DGKZ: variants seen among roughly 807,000 people sequenced by gnomAD.
The protein encoded by DGKZ is diacylglycerol kinase zeta, also known as DAG kinase zeta.
A neutral mutation model predicts 142.5 loss-of-function variants in DGKZ; 45 were observed. The ratio of observed to expected loss-of-function variants is 0.32; its 90% CI spans 0.25 to 0.40. The LOEUF (loss-of-function observed/expected upper bound fraction) is 0.40. Ranked by LOEUF, DGKZ falls within the 10% of genes least tolerant of loss-of-function variation. DGKZ has a pLI of 1.00. For missense variants in DGKZ, 755 were observed against 1,306.5 expected, an observed-to-expected ratio of 0.58 and a Z score of 6.51; for synonymous variants, 442 against 527.0, an observed-to-expected ratio of 0.84 and a Z score of 2.21.
chr11:46,365,986 T>TG, intron 1 of DGKZ: 1 of 985,162 alleles, frequency 1.0e-6, no homozygotes, highest in African/African-American at 1.7e-5. Context: ...TAGGGTGCAA[T>TG]GGGGGAGAGC....
chr11:46,373,213 C>A, intron 14 of DGKZ, 112 bp downstream of exon 14: 2 of 1,235,072 alleles, frequency 1.6e-6, no homozygotes, highest in Non-Finnish European at 2.2e-6. Context: ...CTCCAACTTC[C>A]ACTTCTTCCT....
upstream of DGKZ, among the ~76,000 whole-genome samples, chr11:46,342,594 A>G (rs562005625): frequency 1.9e-4 from 29 of 152,210 alleles, 1 homozygote; most frequent in South Asian, 6.0e-3. Flanking sequence ...GCCACAGCAT[A>G]TAGAACCCAT....
Position 46,375,651 on chromosome 11 carries a change from G to T in DGKZ, c.1910+20G>T, listed in dbSNP as rs373692332. The T allele has an allele frequency of 2.9e-5, 45 of 1,537,304 alleles. No homozygotes were observed. The highest frequency in any genetic ancestry group is 3.7e-5 in the Non-Finnish European group (42 of 1,145,524). On this transcript the variant is annotated intron_variant, in intron 20 of 30. Coordinates refer to ENST00000527911, the Ensembl canonical transcript of DGKZ. Reference sequence around the variant, plus strand: ...CAGCGAGTACGTCCCACCCTGCCACGTGCCCTGGGTGCCAAGGCCAGACCC... The same window carrying T: ...CAGCGAGTACGTCCCACCCTGCCACTTGCCCTGGGTGCCAAGGCCAGACCC...
At chr11:46,348,836 C>T (rs1941005643) in intron 1 of DGKZ, among the ~76,000 whole-genome samples, 1 of 152,140 alleles carries the variant, frequency 6.6e-6, no homozygotes, top group Non-Finnish European at 1.5e-5. Flanking sequence ...CCCTGGTGGC[C>T]AAGGAGCTTG....
rs1944991633 is a variant in DGKZ at position 46,379,628 on chromosome 11, T to G, written c.2688+60T>G. The G allele has an allele frequency of 2.1e-6, 3 of 1,461,280 alleles. No homozygotes were observed. In the Admixed American group the frequency reaches 6.3e-5, roughly 31 times the overall value. 90.5% of individuals were successfully genotyped at this position (1,461,280 alleles called of 1,614,324 possible). ...ACCAACCAAACCTTTCCCAAGGTCC[T>G]AGGCGGGAGCTGGGGCTGGGGGCTG... On this transcript the variant is annotated intron_variant, in intron 30 of 30. Transcript: ENST00000527911.
intron 1 of DGKZ, chr11:46,366,571 T>G: frequency 6.2e-7 from 1 of 1,605,458 alleles, no homozygotes; most frequent in Non-Finnish European, 8.5e-7. Flanking sequence ...AGCTTCTGGG[T>G]GCACCCCTGC....
intron 1 of DGKZ, among the ~76,000 whole-genome samples, chr11:46,363,666 C>T (rs964966248): frequency 4.6e-5 from 7 of 152,352 alleles, no homozygotes; most frequent in Admixed American, 2.6e-4. Flanking sequence ...CGGCACCTCC[C>T]CCCACTGACT....
upstream of DGKZ, chr11:46,347,445 C>T (rs1025229889): frequency 1.0e-6 from 1 of 982,268 alleles, no homozygotes; most frequent in Non-Finnish European, 1.2e-6. The surrounding 1 kb of genome is among the most constrained non-coding windows in gnomAD (Gnocchi z 6.4). Context: ...TATGCGGGGT[C>T]CTGCGGCCGC....
chr11:46,366,825 G>C, intron 1 of DGKZ: 7 of 1,545,422 alleles, frequency 4.5e-6, no homozygotes, highest in Non-Finnish European at 6.1e-6. Flanking sequence ...CTCAGCCAGC[G>C]GCGGCCCTCA....
upstream of DGKZ, chr11:46,345,467 C>G: frequency 6.7e-7 from 1 of 1,499,702 alleles, no homozygotes; most frequent in Non-Finnish European, 8.9e-7. This position sits in a 1 kb window ranked among gnomAD's most constrained non-coding sequence, Gnocchi z 4.1. Context: ...ATCCTCAGCT[C>G]TGGGCCCAGT....
chr11:46,369,519 T>C, exon 5 of DGKZ: 1 of 1,613,520 alleles, frequency 6.2e-7, no homozygotes, highest in East Asian at 2.2e-5. Context: ...AAGCCGTCCT[T>C]CCGTGAATCA....
rs1943444966 is a variant in DGKZ at position 46,367,474 on chromosome 11, T to TA, written c.270+78dup. 6.6e-7 allele frequency: 1 copy of TA among 1,506,642 alleles called. No individual in the cohort carries two copies. Among genetic ancestry groups the TA allele is most frequent in the Admixed American group, 1.9e-5 (1 of 53,854 alleles). 93.3% of individuals were successfully genotyped at this position (1,506,642 alleles called of 1,614,324 possible). Reference sequence around the variant, plus strand: ...AGGCGCAGCTGGCGGGTGGAGGCACTAAAGGCAGCTGGGAGAGCCAAGCCT... The same window carrying TA: ...AGGCGCAGCTGGCGGGTGGAGGCACTAAAAGGCAGCTGGGAGAGCCAAGCCT... On this transcript the variant is annotated intron_variant, in intron 2 of 30. Transcript: ENST00000527911. This position sits in a 1 kb window ranked among gnomAD's most constrained non-coding sequence, Gnocchi z 4.1.
At chr11:46,362,391 C>T (rs891840393) in intron 1 of DGKZ, among the ~76,000 whole-genome samples, 7 of 152,154 alleles carry the variant, frequency 4.6e-5, no homozygotes, top group Non-Finnish European at 7.4e-5. Context: ...GTTCCTCATG[C>T]GGTGGGTGGT....
chr11:46,360,203 T>G (rs1489424794), intron 1 of DGKZ, among the ~76,000 whole-genome samples: 1 of 152,200 alleles, frequency 6.6e-6, no homozygotes, highest in Non-Finnish European at 1.5e-5. Flanking sequence ...ATGCCACTCT[T>G]TTTGCTAACT....
chr11:46,351,584 A>G (rs943748901), intron 1 of DGKZ, among the ~76,000 whole-genome samples: 2 of 152,168 alleles, frequency 1.3e-5, no homozygotes, highest in African/African-American at 4.8e-5. Flanking sequence ...AACCCTGTCT[A>G]TGGTGCCAGG....
chr11:46,368,733 A>G (rs570093387), intron 4 of DGKZ: 1 of 179,682 alleles, frequency 5.6e-6, no homozygotes, highest in South Asian at 1.1e-4. Flanking sequence ...AAGTAGGGAC[A>G]GTTATGAGAA....
chr11:46,337,917 G>T (rs553635191), intron 1 of DGKZ, among the ~76,000 whole-genome samples: 2 of 152,142 alleles, frequency 1.3e-5, no homozygotes, highest in Non-Finnish European at 2.9e-5. Flanking sequence ...GCCTGTACCT[G>T]GTGTCCTGGG....
exon 1 of DGKZ, chr11:46,333,386 G>C: frequency 7.0e-7 from 1 of 1,428,754 alleles, no homozygotes; most frequent in South Asian, 1.4e-5. Flanking sequence ...AGGAGGCCCA[G>C]GTCGCGCAGC....
chr11:46,375,922 A>G lies in DGKZ; in HGVS notation c.1982A>G (p.His661Arg). 1 of 1,603,076 alleles carries G rather than the reference A, an allele frequency of 6.2e-7. No individual in the cohort carries two copies. The highest frequency in any genetic ancestry group is 8.5e-7 in the Non-Finnish European group (1 of 1,175,376). Reference sequence around the variant, plus strand: ...AGCATGCACGACTATGAGGCCCTGCACTACGACAAGGAGCAGCTCAAGGAG... The same window carrying G: ...AGCATGCACGACTATGAGGCCCTGCGCTACGACAAGGAGCAGCTCAAGGAG... Residue 661 changes from histidine to arginine, a missense_variant, in exon 21 of 31, where the codon CAC becomes CGC. Around this residue, in one of 8 missense-constraint regions of DGKZ, gnomAD observed 114 missense variants for 180.9 expected, o/e 0.63. Transcript: ENST00000527911.
Sources: gnomAD v4.1 joint callset for allele counts (sites outside exome capture counted in the v4.1 genomes callset) on GRCh38, gnomAD v4.1.1 for gene constraint, gnomAD v4.1.1 regional missense constraint, Gnocchi (gnomAD v3.1) non-coding constraint, MANE v1.5 for transcripts, NCBI Gene and HGNC (gene_info 2026-07-23, HGNC 2026-07-21) for gene names.